The following PHF24 variants were observed in gnomAD, a reference collection of about 807,000 sequenced individuals.
The protein encoded by PHF24 is PHD finger protein 24.
A neutral mutation model predicts 42.6 loss-of-function variants in PHF24; 25 were observed. The observed-to-expected ratio is 0.59, with a 90% CI of 0.43 to 0.82. PHF24 has a LOEUF of 0.82. Ranked by LOEUF, PHF24 falls within the 40% of genes least tolerant of loss-of-function variation. The pLI is 0.00. For missense variants in PHF24, 470 were observed against 538.1 expected, an observed-to-expected ratio of 0.87 and a Z score of 1.25; for synonymous variants, 185 against 204.8, an observed-to-expected ratio of 0.90 and a Z score of 0.83.
At chr9:34,837,992 G>A in the PHF24 span, among the ~76,000 whole-genome samples, 1 of 152,186 alleles carries the variant, frequency 6.6e-6, no homozygotes, top group African/African-American at 2.4e-5. Context: ...CAAAGAGTAT[G>A]TGGTTCTAAT....
At chr9:34,839,380 A>T in the PHF24 span, among the ~76,000 whole-genome samples, 1 of 152,126 alleles carries the variant, frequency 6.6e-6, no homozygotes, top group Non-Finnish European at 1.5e-5. Flanking sequence ...TGTTTGCTTG[A>T]GTCGGATTCT....
the PHF24 span, among the ~76,000 whole-genome samples, chr9:34,888,888 C>T: frequency 5.8e-4 from 89 of 152,304 alleles, no homozygotes; most frequent in African/African-American, 1.6e-3. Flanking sequence ...TCTTCTCTGT[C>T]AAGTCCCTTT....
the PHF24 span, among the ~76,000 whole-genome samples, chr9:34,765,190 G>C: frequency 7.2e-5 from 11 of 152,090 alleles, no homozygotes; most frequent in African/African-American, 2.7e-4. Context: ...ATTTGGGGTG[G>C]AGAGTTCTGT....
chr9:34,749,604 C>CT, the PHF24 span, among the ~76,000 whole-genome samples: 68,817 of 143,668 alleles, frequency 0.48, 16,424 homozygotes, highest in East Asian at 0.6. Context: ...GTTATTCATT[C>CT]TTTTTTTTTT....
At chr9:34,849,591 G>A in the PHF24 span, among the ~76,000 whole-genome samples, 271 of 152,182 alleles carry the variant, frequency 1.8e-3, 1 homozygote, top group African/African-American at 6.3e-3. Flanking sequence ...GGAGCATTTA[G>A]TCCATTTACC....
At chr9:34,843,719 A>AT in the PHF24 span, among the ~76,000 whole-genome samples, 1 of 151,994 alleles carries the variant, frequency 6.6e-6, no homozygotes, top group East Asian at 1.9e-4. Flanking sequence ...TGCTTGGCTA[A>AT]TTTTTTTTAT....
chr9:34,914,413 T>C, the PHF24 span, among the ~76,000 whole-genome samples: 2 of 152,172 alleles, frequency 1.3e-5, no homozygotes, highest in Non-Finnish European at 2.9e-5. Flanking sequence ...CATTATTACT[T>C]CTTTTTTTGT....
the PHF24 span, among the ~76,000 whole-genome samples, chr9:34,891,148 G>A: frequency 6.6e-6 from 1 of 152,214 alleles, no homozygotes; most frequent in Non-Finnish European, 1.5e-5. Context: ...AGGATCATCA[G>A]TAACAGCATC....
At chr9:34,967,030 C>T (rs1826798281) in intron 1 of PHF24, among the ~76,000 whole-genome samples, 1 of 152,138 alleles carries the variant, frequency 6.6e-6, no homozygotes, top group African/African-American at 2.4e-5. Flanking sequence ...GCATGTGCCA[C>T]TATGCCTAGC....
the PHF24 span, among the ~76,000 whole-genome samples, chr9:34,940,590 A>C: frequency 6.6e-6 from 1 of 152,156 alleles, no homozygotes; most frequent in East Asian, 1.9e-4. Context: ...CATCTCTCCG[A>C]AAAAATAAAA....
At chr9:34,853,803 G>T in the PHF24 span, among the ~76,000 whole-genome samples, 1 of 144,876 alleles carries the variant, frequency 6.9e-6, no homozygotes, top group Admixed American at 6.9e-5. Flanking sequence ...ACTCCAGCCT[G>T]GGTGACAGAG....
the PHF24 span, among the ~76,000 whole-genome samples, chr9:34,855,001 G>T: frequency 6.6e-6 from 1 of 152,176 alleles, no homozygotes; most frequent in Non-Finnish European, 1.5e-5. Context: ...AGCTCTTCTT[G>T]TTGAATTGAA....
At chr9:34,710,688 A>G in the PHF24 span, among the ~76,000 whole-genome samples, 1 of 151,758 alleles carries the variant, frequency 6.6e-6, no homozygotes, top group African/African-American at 2.4e-5. Flanking sequence ...AGCCCAGGCT[A>G]GTCTTGAGCT....
chr9:34,817,405 CA>C, the PHF24 span, among the ~76,000 whole-genome samples: 1 of 151,966 alleles, frequency 6.6e-6, no homozygotes, highest in South Asian at 2.1e-4. Context: ...TCACTGTGCC[CA>C]GCTAATTTTT....
upstream of PHF24, among the ~76,000 whole-genome samples, chr9:34,953,931 G>A (rs1310895419): frequency 6.6e-6 from 1 of 152,150 alleles, no homozygotes; most frequent in Non-Finnish European, 1.5e-5. The surrounding 1 kb of genome is among the most constrained non-coding windows in gnomAD (Gnocchi z 4.1). Context: ...GCAAGACCCT[G>A]TCTCTTAAAA....
chr9:34,848,434 A>G, the PHF24 span, among the ~76,000 whole-genome samples: 9 of 151,692 alleles, frequency 5.9e-5, no homozygotes, highest in South Asian at 8.4e-4. Context: ...TTTCTGTGGG[A>G]TTGGTGGTGA....
chr9:34,841,623 C>T, the PHF24 span, among the ~76,000 whole-genome samples: 99 of 152,164 alleles, frequency 6.5e-4, no homozygotes, highest in African/African-American at 2.1e-3. Context: ...TTTGGGAGGC[C>T]GAGGCAGGCA....
At chr9:34,892,705 C>T in the PHF24 span, 1 of 471,840 alleles carries the variant, frequency 2.1e-6, no homozygotes, top group South Asian at 5.0e-5. Context: ...TCCTCTCCTG[C>T]TGGCTCAGAG....
the PHF24 span, chr9:34,922,645 A>G: frequency 9.3e-7 from 1 of 1,080,832 alleles, no homozygotes; most frequent in East Asian, 2.4e-5. Flanking sequence ...CATTGCAGCT[A>G]TCTCTTAGCT....
Sources: allele counts gnomAD v4.1 joint callset (sites outside exome capture counted in the v4.1 genomes callset), GRCh38; gene constraint gnomAD v4.1.1; non-coding constraint Gnocchi (gnomAD v3.1); transcripts MANE v1.5; gene names NCBI Gene and HGNC (gene_info 2026-07-23, HGNC 2026-07-21).